The following CUL4B variants were observed in gnomAD, a reference collection of about 807,000 sequenced individuals.
CUL4B encodes the protein cullin-4B.
In CUL4B, 1 loss-of-function variant was observed where a neutral mutation model predicts 69.2. That is an observed-to-expected ratio of 0.01 (90% CI 0.01 to 0.07). The LOEUF is 0.07. CUL4B is among the 10% of genes least tolerant of loss of function. The pLI, the probability that CUL4B is intolerant of heterozygous loss-of-function variation, is 1.00. For synonymous variants in CUL4B, 237 were observed against 223.2 expected, an observed-to-expected ratio of 1.06 and a Z score of -0.55; for missense variants, 328 against 638.8, an observed-to-expected ratio of 0.51 and a Z score of 5.24.
upstream of CUL4B, chrX:120,561,170 CG>C: frequency 1.0e-5 from 8 of 765,185 alleles, no homozygotes; most frequent in Non-Finnish European, 1.5e-5. Flanking sequence ...TGCAGCCGCC[CG>C]GGGGGCGGGG....
At position 120,524,543 on chromosome X, in the gene CUL4B, A is replaced by C. The variant is rs771839500; in HGVS notation, c.*2218T>G. 2 of 112,209 alleles carry C rather than the reference A, an allele frequency of 1.8e-5. No homozygotes were observed. Among genetic ancestry groups the C allele is most frequent in the Admixed American group, 9.5e-5 (1 of 10,479 alleles). 9.2% of individuals were successfully genotyped at this position (112,209 alleles called of 1,213,427 possible). On this transcript the variant is annotated 3_prime_UTR_variant, in exon 20 of 20. Coordinates refer to ENST00000371322, the MANE Select transcript of CUL4B (RefSeq NM_001079872.2). ...TGTGAGTTCATTAGAAGTTGTTAGG[A>C]AGATTTTAAGTCCTGTGATTTTATA...
chrX:120,538,321 T>C, intron 13 of CUL4B, 112 bp from the exon 14 acceptor site: 2 of 497,395 alleles, frequency 4.0e-6, no homozygotes, highest in Non-Finnish European at 6.6e-6. Flanking sequence ...ATCTGTAACT[T>C]TCATAAGAAT....
At position 120,560,540 on chromosome X, in the gene CUL4B, G is replaced by A. The variant is rs765809665; in HGVS notation, c.99C>T (p.Pro33=). ...TTAACTTTCTCTTCTTGGCAGAGGT[G>A]GGCGGAGTGGTGCTGGTATTACCAT... is the stretch of plus-strand genomic sequence containing the variant. ...ATDGNTSTTP[P]TSAKKRKLNS... is the part of the protein sequence containing the mutation. Residue 33 remains proline, a synonymous_variant, in exon 1 of 20, where the codon CCC becomes CCT. Transcript: ENST00000371322. 5 of 1,208,861 alleles carry A rather than the reference G, an allele frequency of 4.1e-6. No homozygotes were observed. In the Admixed American group the frequency reaches 1.1e-4, roughly 26 times the overall value.
intron 2 of CUL4B, among the ~76,000 whole-genome samples, chrX:120,549,728 G>T: frequency 9.0e-6 from 1 of 111,429 alleles, no homozygotes; most frequent in Non-Finnish European, 1.9e-5. Context: ...CTGGGGCTAG[G>T]CCACAAATGC....
At chrX:120,563,898 A>G (rs759134495), upstream of CUL4B, among the ~76,000 whole-genome samples, 8 of 112,665 alleles carry the variant, frequency 7.1e-5, no homozygotes, top group Non-Finnish European at 1.3e-4. Context: ...CTACTAACCT[A>G]AATGATAGCT....
At chrX:120,555,737 T>C (rs1043291617) in intron 2 of CUL4B, among the ~76,000 whole-genome samples, 1 of 107,436 alleles carries the variant, frequency 9.3e-6, no homozygotes, top group Non-Finnish European at 1.9e-5. Context: ...AGGTCAGGAG[T>C]TCGAGATCAG....
At chrX:120,573,442 A>G (rs1057070097) in intron 2 of CUL4B, among the ~76,000 whole-genome samples, 1 of 112,038 alleles carries the variant, frequency 8.9e-6, no homozygotes, top group Non-Finnish European at 1.9e-5. Flanking sequence ...AAATCTGTGC[A>G]TGTATAAAAG....
At position 120,546,574 on chromosome X, in the gene CUL4B, T is replaced by C. The variant is rs778579288; in HGVS notation, c.819A>G (p.Arg273=). ...DSVLFLKKID[R]CWQNHCRQMI... is the part of the protein sequence containing the mutation. ...TTTGTCTGCAATGGTTTTGCCAGCA[T>C]CTATCAATCTTCTTTAAAAAAAGAA... The change falls in exon 4 of 20, where the codon AGA becomes AGG. Residue 273 remains arginine, a synonymous_variant. Coordinates refer to ENST00000371322, the MANE Select transcript of CUL4B (RefSeq NM_001079872.2). 5 of 1,205,094 alleles carry C rather than the reference T, an allele frequency of 4.1e-6. No homozygotes were observed. The East Asian group carries it at 1.2e-4, about 29-fold the overall frequency.
Position 120,541,606 on chromosome X carries a change from A to T in CUL4B, c.1439T>A (p.Ile480Asn). 8.6e-7 allele frequency: 1 copy of T among 1,157,279 alleles called. No individual in the cohort carries two copies. The highest frequency in any genetic ancestry group is 1.2e-6 in the Non-Finnish European group (1 of 845,907). Residue 480 changes from isoleucine (I) to asparagine (N), a missense_variant, in exon 10 of 20, where the codon ATC becomes AAC. Transcript: ENST00000371322. ...QVLLQQWIEY[I>N]KAFGSTIVIN... ...TCACAGGTAAATTGTTAATACCTTG[A>T]TATATTCGATCCACTGCTGCAAAAG...
At chrX:120,561,203 G>A (rs766068198), upstream of CUL4B, 174 of 598,321 alleles carry the variant, frequency 2.9e-4, no homozygotes, top group African/African-American at 3.6e-3. Flanking sequence ...TGAGGGGGCG[G>A]CTGGAAAGGG....
chrX:120,535,078 C>A (rs1432670476), intron 16 of CUL4B, among the ~76,000 whole-genome samples: 2 of 111,484 alleles, frequency 1.8e-5, no homozygotes, highest in Non-Finnish European at 3.8e-5. Context: ...GCCTGTAATC[C>A]CAGCACTTTA....
chrX:120,545,385 G>T, intron 5 of CUL4B, 59 bp downstream of exon 5: 1 of 785,168 alleles, frequency 1.3e-6, no homozygotes, highest in South Asian at 2.2e-5. Flanking sequence ...TTTCATTAGT[G>T]TAATTAAGAT....
At chrX:120,554,301 CA>C (rs1401429974) in intron 2 of CUL4B, among the ~76,000 whole-genome samples, 2 of 111,763 alleles carry the variant, frequency 1.8e-5, no homozygotes, top group Non-Finnish European at 3.8e-5. Context: ...GTAACTCGCC[CA>C]AAGTTATATG....
At chrX:120,566,024 G>A (rs1054755215), upstream of CUL4B, among the ~76,000 whole-genome samples, 2 of 108,228 alleles carry the variant, frequency 1.8e-5, no homozygotes, top group African/African-American at 6.7e-5. Context: ...CACCGCGCCC[G>A]GCCCAGGCAG....
chrX:120,544,764 T>C (rs1175672267), intron 5 of CUL4B, 121 bp from the exon 6 acceptor site: 2 of 531,566 alleles, frequency 3.8e-6, no homozygotes, highest in Non-Finnish European at 3.1e-6. Context: ...AAGCAGCAAT[T>C]GTCAAAAAAT....
rs1924355247 is a variant in CUL4B at position 120,546,685 on chromosome X, T to C, written c.777-69A>G. 1.0e-5 allele frequency: 8 copies of C among 771,178 alleles called. No individual in the cohort carries two copies. The South Asian group carries it at 1.8e-4, about 18-fold the overall frequency. The allele number at this position is 771,178 out of a possible 1,213,427, so 63.6% of individuals were successfully genotyped here. ...CATATGTGCCATGTGACAGAGAGCA[T>C]ATTAGTCTTAAACATGAATACCTTG... On this transcript the variant is annotated intron_variant, in intron 3 of 19. Coordinates refer to ENST00000371322, the MANE Select transcript of CUL4B (RefSeq NM_001079872.2).
chrX:120,558,728 T>C (rs1373412275), intron 1 of CUL4B, among the ~76,000 whole-genome samples: 2 of 112,099 alleles, frequency 1.8e-5, no homozygotes, highest in African/African-American at 6.5e-5. Flanking sequence ...ACTCTAGGCT[T>C]TAAACTTCAC....
downstream of CUL4B, among the ~76,000 whole-genome samples, chrX:120,569,291 T>C (rs765018068): frequency 9.0e-6 from 1 of 111,710 alleles, no homozygotes; most frequent in Non-Finnish European, 1.9e-5. Context: ...CCATTCTCAA[T>C]TGGCAATGTA....
Position 120,535,857 on chromosome X carries a change from G to A in CUL4B, c.2133C>T (p.His711=). 8.3e-7 allele frequency: 1 copy of A among 1,203,474 alleles called. No homozygotes were observed. The highest frequency in any genetic ancestry group is 1.1e-6 in the Non-Finnish European group (1 of 888,352). Residue 711 remains histidine, a synonymous_variant, in exon 16 of 20, where the codon CAC becomes CAT. Coordinates refer to ENST00000371322, the MANE Select transcript of CUL4B (RefSeq NM_001079872.2). The stretch of plus-strand genomic sequence containing the variant: ...CTTTAAATTCTGCTTTTAACACACA[G>A]TGTCCTAGGGTTGACTGCCACTGAA... The part of the protein sequence containing the change: ...RKLQWQSTLG[H]CVLKAEFKEG...
Sources: allele counts gnomAD v4.1 joint callset (sites outside exome capture counted in the v4.1 genomes callset), GRCh38; gene constraint gnomAD v4.1.1; transcripts MANE v1.5; gene names NCBI Gene and HGNC (gene_info 2026-07-23, HGNC 2026-07-21).